Variants in INSL5 observed in about 807,000 individuals in gnomAD.
INSL5 encodes the protein insulin-like peptide INSL5.
INSL5 carries 3 observed loss-of-function variants against 4.3 expected under a neutral mutation model. The ratio of observed to expected loss-of-function variants is 0.70; its 90% CI spans 0.32 to 1.82. The LOEUF is 1.82. Among genes scored for constraint, INSL5 ranks in the 40% most tolerant of loss-of-function variants. INSL5 has a pLI of 0.08. For missense variants in INSL5, 168 were observed against 160.9 expected (o/e 1.04, Z -0.24); for synonymous variants, 68 against 56.6 (o/e 1.20, Z -0.90).
intron 1 of INSL5, among the ~76,000 whole-genome samples, chr1:66,799,707 T>C (rs1645362463): frequency 6.6e-6 from 1 of 152,188 alleles, no homozygotes; most frequent in Admixed American, 6.6e-5. Flanking sequence ...CAATATGTTG[T>C]ACACAATAAA....
Position 66,798,073 on chromosome 1 carries a change from ATCTTG to A in INSL5, c.343_347del (p.Gln115PhefsTer8). The A allele has an allele frequency of 6.2e-7, 1 of 1,614,130 alleles. No homozygotes were observed. The highest frequency in any genetic ancestry group is 8.5e-7 in the Non-Finnish European group (1 of 1,180,014). On this transcript the variant is annotated frameshift_variant, in exon 2 of 2. Transcript: ENST00000304526. LOFTEE classifies it low-confidence loss of function (END_TRUNC). Reference sequence around the variant, plus strand: ...CATCAGTGCAACACAAAGTTTGTAAATCTTGTCTTGACATCACTGAATGCTTCTTT... The same window carrying A: ...CATCAGTGCAACACAAAGTTTGTAAATCTTGACATCACTGAATGCTTCTTT...
In INSL5 at chr1:66,798,132, G is replaced by A. The variant is rs201375101; in HGVS notation, c.289C>T (p.Gln97Ter). The change falls in exon 2 of 2, where the codon CAG becomes TAG. Residue 97 changes from glutamine (Q) to a stop codon, truncating the protein, a stop_gained. Transcript: ENST00000304526. LOFTEE classifies it low-confidence loss of function (END_TRUNC). The part of the protein sequence containing the change: ...ASGEDRLWGG[Q>*]MPTEELWKSK... ...TTCCAAAGCTCTTCAGTGGGCATCT[G>A]TCCACCCCAAAGACGGTCTTCCCCT... The A allele has an allele frequency of 1.7e-5, 28 of 1,614,094 alleles. No homozygotes were observed. In the East Asian group the frequency reaches 6.0e-4, roughly 35 times the overall value.
Position 66,798,193 on chromosome 1 carries a change from T to C in INSL5, c.228A>G (p.Glu76=). The change falls in exon 2 of 2, where the codon GAA becomes GAG. Residue 76 remains glutamate (E), a synonymous_variant. Transcript: ENST00000304526. ...QLPHKREFSE[E]NPAQNLPKVD... Reference sequence around the variant, plus strand: ...CCTTCGGAAGGTTTTGCGCTGGATTTTCCTCAGAAAACTCACGTTTATGTG... The same window carrying C: ...CCTTCGGAAGGTTTTGCGCTGGATTCTCCTCAGAAAACTCACGTTTATGTG... 6.2e-7 allele frequency: 1 copy of C among 1,614,178 alleles called. No individual in the cohort carries two copies.
Position 66,797,857 on chromosome 1 carries a change from G to A in INSL5, c.*156C>T. 1 of 597,886 alleles carries A rather than the reference G, an allele frequency of 1.7e-6. No individual in the cohort carries two copies. The highest frequency in any genetic ancestry group is 3.0e-6 in the Non-Finnish European group (1 of 336,278). 37.0% of individuals were successfully genotyped at this position (597,886 alleles called of 1,614,324 possible). On this transcript the variant is annotated 3_prime_UTR_variant, in exon 2 of 2. Transcript: ENST00000304526. ...AAAGGGAGAAAATAGAGATCACTGT[G>A]GTTTCAACCGCTCAGCTATACCTTT...
In INSL5 at chr1:66,798,136, AC is replaced by A; in HGVS notation, c.284del (p.Gly95ValfsTer17). 6.2e-7 allele frequency: 1 copy of A among 1,614,042 alleles called. No individual in the cohort carries two copies. The highest frequency in any genetic ancestry group is 8.5e-7 in the Non-Finnish European group (1 of 1,179,990). Reference protein sequence around the residue: ...VDASGEDRLWGGQMPTEELWK... With the variant: ...VDASGEDRLWXGQMPTEELWK... ...AAAGCTCTTCAGTGGGCATCTGTCC[AC>A]CCCAAAGACGGTCTTCCCCTGAGGC... On this transcript the variant is annotated frameshift_variant, in exon 2 of 2. Coordinates refer to ENST00000304526, the MANE Select transcript of INSL5 (RefSeq NM_005478.6). LOFTEE classifies it low-confidence loss of function (END_TRUNC).
chr1:66,798,148 G>C lies in INSL5; in HGVS notation c.273C>G (p.Asp91Glu). The C allele has an allele frequency of 6.2e-7, 1 of 1,614,138 alleles. No homozygotes were observed. ...NLPKVDASGE[D>E]RLWGGQMPTE... ...TGGGCATCTGTCCACCCCAAAGACG[G>C]TCTTCCCCTGAGGCATCCACCTTCG... The change falls in exon 2 of 2, where the codon GAC becomes GAG. Residue 91 changes from aspartate (D) to glutamate (E), a missense_variant. Coordinates refer to ENST00000304526, the MANE Select transcript of INSL5 (RefSeq NM_005478.6).
At chr1:66,799,850 AC>A (rs1239973296) in intron 1 of INSL5, among the ~76,000 whole-genome samples, 3 of 152,032 alleles carry the variant, frequency 2.0e-5, no homozygotes, top group Non-Finnish European at 4.4e-5. Flanking sequence ...GGAGTTTGAG[AC>A]CAGCCTGGGC....
intron 1 of INSL5, among the ~76,000 whole-genome samples, chr1:66,798,625 C>T (rs149702113): frequency 3.6e-4 from 55 of 152,196 alleles, no homozygotes; most frequent in African/African-American, 1.2e-3. Context: ...CCTGCAATCT[C>T]GATCAGTAAA....
At chr1:66,799,510 T>C (rs1432400228) in intron 1 of INSL5, among the ~76,000 whole-genome samples, 1 of 152,168 alleles carries the variant, frequency 6.6e-6, no homozygotes, top group Non-Finnish European at 1.5e-5. Flanking sequence ...GAAGGAATAA[T>C]TTCAAGAAGT....
chr1:66,801,005 C>T, intron 1 of INSL5, 42 bp downstream of exon 1: 2 of 1,416,004 alleles, frequency 1.4e-6, no homozygotes, highest in Non-Finnish European at 1.9e-6. Context: ...ATAAAAGAGA[C>T]ATGTGAAAGG....
Position 66,798,058 on chromosome 1 carries a change from A to G in INSL5, c.363T>C (p.Cys121=), listed in dbSNP as rs760332146. The G allele has an allele frequency of 3.7e-6, 6 of 1,614,136 alleles. No individual in the cohort carries two copies. The highest frequency in any genetic ancestry group is 1.6e-4 in the Middle Eastern group (1 of 6,062). The change falls in exon 2 of 2, where the codon TGT becomes TGC. Residue 121 remains cysteine, a synonymous_variant. Transcript: ENST00000304526. ...VMSRQDLQTL[C]CTDGCSMTDL... is the part of the protein sequence containing the mutation. ...CAGTCATGGAACAGCCATCAGTGCA[A>G]CACAAAGTTTGTAAATCTTGTCTTG...
Position 66,797,777 on chromosome 1 carries a change from T to C in INSL5, c.*236A>G, listed in dbSNP as rs1399186928. 1 of 385,996 alleles carries C rather than the reference T, an allele frequency of 2.6e-6. No homozygotes were observed. The highest frequency in any genetic ancestry group is 4.2e-5 in the Admixed American group (1 of 23,886). 23.9% of individuals were successfully genotyped at this position (385,996 alleles called of 1,614,324 possible). A position where few individuals can be genotyped will look rare whatever the true frequency, so the allele number is the denominator to read the frequency against. ...ATTTTTATTGCAATTTTGCGCAGCA[T>C]TTGAAATTTCAAAGCATTAGTAGAA... is the stretch of plus-strand genomic sequence containing the variant. On this transcript the variant is annotated 3_prime_UTR_variant, in exon 2 of 2. Coordinates refer to ENST00000304526, the MANE Select transcript of INSL5 (RefSeq NM_005478.6).
At position 66,798,082 on chromosome 1, in the gene INSL5, T is replaced by C. The variant is rs1228941747; in HGVS notation, c.339A>G (p.Ser113=). The change falls in exon 2 of 2, where the codon TCA becomes TCG. Residue 113 remains serine (S), a synonymous_variant. Transcript: ENST00000304526. ...LWKSKKHSVM[S]RQDLQTLCCT... ...AACACAAAGTTTGTAAATCTTGTCTTGACATCACTGAATGCTTCTTTGACT... is the reference window on the plus strand; with the variant it reads ...AACACAAAGTTTGTAAATCTTGTCTCGACATCACTGAATGCTTCTTTGACT... The C allele has an allele frequency of 1.9e-6, 3 of 1,614,048 alleles. No individual in the cohort carries two copies. The highest frequency in any genetic ancestry group is 2.5e-6 in the Non-Finnish European group (3 of 1,180,042).
Position 66,797,931 on chromosome 1 carries a change from T to C in INSL5, c.*82A>G. On this transcript the variant is annotated 3_prime_UTR_variant, in exon 2 of 2. Transcript: ENST00000304526. ...AAAAGCCATCATTTTAATAACACAA[T>C]ATTAGTGTTCTACCAGGCAGTAAAA... is the stretch of plus-strand genomic sequence containing the variant. 1.0e-6 allele frequency: 1 copy of C among 972,444 alleles called. No homozygotes were observed. The highest frequency in any genetic ancestry group is 1.6e-6 in the Non-Finnish European group (1 of 629,960). The allele number at this position is 972,444 out of a possible 1,614,324, so 60.2% of individuals were successfully genotyped here. A position where few individuals can be genotyped will look rare whatever the true frequency, so the allele number is the denominator to read the frequency against.
In INSL5 at chr1:66,798,100, C is replaced by A; in HGVS notation, c.321G>T (p.Lys107Asn). ...QMPTEELWKS[K>N]KHSVMSRQDL... ...CTTGTCTTGACATCACTGAATGCTTCTTTGACTTCCAAAGCTCTTCAGTGG... is the reference window on the plus strand; with the variant it reads ...CTTGTCTTGACATCACTGAATGCTTATTTGACTTCCAAAGCTCTTCAGTGG... Residue 107 changes from lysine to asparagine, a missense_variant, in exon 2 of 2, where the codon AAG (lysine) becomes AAT (asparagine). Coordinates refer to ENST00000304526, the MANE Select transcript of INSL5 (RefSeq NM_005478.6). 6.2e-7 allele frequency: 1 copy of A among 1,614,160 alleles called. No individual in the cohort carries two copies.
intron 1 of INSL5, among the ~76,000 whole-genome samples, chr1:66,800,366 G>A (rs934270505): frequency 6.6e-6 from 1 of 151,906 alleles, no homozygotes; most frequent in African/African-American, 2.4e-5. Flanking sequence ...TTACAAAATA[G>A]GTGACATTTT....
intron 1 of INSL5, among the ~76,000 whole-genome samples, chr1:66,798,491 T>A (rs1006687384): frequency 6.6e-6 from 1 of 152,204 alleles, no homozygotes; most frequent in African/African-American, 2.4e-5. Flanking sequence ...ACAGTCAGTG[T>A]TGCTCAGCTA....
At chr1:66,800,965 A>C in intron 1 of INSL5, 82 bp downstream of exon 1, 1 of 1,071,068 alleles carries the variant, frequency 9.3e-7, no homozygotes, top group Admixed American at 2.3e-5. Flanking sequence ...ACACTTAATA[A>C]AATAATGGTT....
In INSL5 at chr1:66,801,045, A is replaced by C; in HGVS notation, c.175+2T>G. 3 of 1,602,858 alleles carry C rather than the reference A, an allele frequency of 1.9e-6. No individual in the cohort carries two copies. The highest frequency in any genetic ancestry group is 2.6e-6 in the Non-Finnish European group (3 of 1,173,202). On this transcript the variant is annotated splice_donor_variant, in intron 1 of 1. Coordinates refer to ENST00000304526, the MANE Select transcript of INSL5 (RefSeq NM_005478.6). LOFTEE classifies it high-confidence loss of function. The stretch of plus-strand genomic sequence containing the variant: ...TAGAGGAGACACATGAGTTACTGTT[A>C]CCTTGCTGAGCTTGAGGGATCCCCT...
Sources: allele counts gnomAD v4.1 joint callset (sites outside exome capture counted in the v4.1 genomes callset), GRCh38; gene constraint gnomAD v4.1.1; transcripts MANE v1.5; gene names NCBI Gene and HGNC (gene_info 2026-07-23, HGNC 2026-07-21).